Variants in TMEM207 observed in about 807,000 individuals in gnomAD.
TMEM207 encodes SRSR846.
Under a neutral mutation model 17.4 loss-of-function variants are expected in TMEM207, and 15 were observed. The ratio of observed to expected loss-of-function variants is 0.86; its 90% confidence interval spans 0.58 to 1.33. The LOEUF is 1.33. Ranked by LOEUF, TMEM207 falls within the 40% of genes most tolerant of loss-of-function variation. TMEM207 has a pLI of 0.00. For synonymous variants in TMEM207, 70 were observed against 65.6 expected, an observed-to-expected ratio of 1.07 and a Z score of -0.33; for missense variants, 205 against 173.8, an observed-to-expected ratio of 1.18 and a Z score of -1.01.
intron 4 of TMEM207, among the ~76,000 whole-genome samples, chr3:190,432,097 T>C (rs1316376829): frequency 6.6e-6 from 1 of 152,226 alleles, no homozygotes; most frequent in African/African-American, 2.4e-5. Context: ...AAAAATCCTA[T>C]AGTTTTTACA....
At chr3:190,435,679 G>T (rs759712712) in intron 4 of TMEM207, among the ~76,000 whole-genome samples, 1 of 152,138 alleles carries the variant, frequency 6.6e-6, no homozygotes, top group African/African-American at 2.4e-5. Flanking sequence ...ACACTTCAGG[G>T]GTATAGATCC....
chr3:190,429,674 T>C lies in TMEM207; in HGVS notation c.362A>G (p.Asp121Gly), dbSNP rs950753202. 3 of 1,612,766 alleles carry C rather than the reference T, an allele frequency of 1.9e-6. No homozygotes were observed. The African/African-American group carries it at 4.0e-5, about 22-fold the overall frequency. The stretch of plus-strand genomic sequence containing the variant: ...ACATGGAGCAGGAACAGGATATAGG[T>C]CAGGGGTTTGAGTTTGAAGGTGAAT... ...VGIHLQTQTP[D>G]LYPVPAPCFG... is the part of the protein sequence containing the mutation. Residue 121 changes from aspartate (D) to glycine (G), a missense_variant, in exon 5 of 5, where the codon GAC (aspartate) becomes GGC (glycine). By Grantham distance (94) the Asp-to-Gly change is moderately conservative. Coordinates refer to ENST00000354905, the MANE Select transcript of TMEM207 (RefSeq NM_207316.3).
At chr3:190,443,991 A>G (rs1719991848) in intron 2 of TMEM207, among the ~76,000 whole-genome samples, 1 of 152,196 alleles carries the variant, frequency 6.6e-6, no homozygotes, top group African/African-American at 2.4e-5. Context: ...TGTCATGGAG[A>G]TGATTTCTGT....
intron 4 of TMEM207, among the ~76,000 whole-genome samples, chr3:190,438,365 A>T (rs1204948941): frequency 6.6e-6 from 1 of 150,590 alleles, no homozygotes; most frequent in East Asian, 1.9e-4. Context: ...ATTGCCCGTC[A>T]CTCAGTGCTA....
chr3:190,435,015 C>T (rs1047505386), intron 4 of TMEM207, among the ~76,000 whole-genome samples: 2 of 152,192 alleles, frequency 1.3e-5, no homozygotes, highest in African/African-American at 4.8e-5. Context: ...TCCTCTTGCT[C>T]TGCATCTTCT....
intron 2 of TMEM207, 26 bp from the exon 3 acceptor site, chr3:190,441,508 C>T (rs759525702): frequency 6.3e-7 from 1 of 1,597,074 alleles, no homozygotes; most frequent in Non-Finnish European, 8.6e-7. Context: ...GAGCGTTAGT[C>T]CTGGAACTCA....
intron 4 of TMEM207, among the ~76,000 whole-genome samples, chr3:190,440,034 G>C (rs888726564): frequency 1.3e-5 from 2 of 152,178 alleles, no homozygotes; most frequent in Admixed American, 1.3e-4. Context: ...TTAACTGTGG[G>C]TCAGTTCCCA....
intron 2 of TMEM207, among the ~76,000 whole-genome samples, chr3:190,444,752 A>C (rs1560108951): frequency 6.6e-6 from 1 of 152,206 alleles, no homozygotes; most frequent in Non-Finnish European, 1.5e-5. Flanking sequence ...CATCGAAACC[A>C]GAGAAAAATT....
chr3:190,446,890 C>T (rs915595757), intron 2 of TMEM207, among the ~76,000 whole-genome samples: 24 of 152,184 alleles, frequency 1.6e-4, no homozygotes, highest in African/African-American at 5.5e-4. Flanking sequence ...CAATCAAATA[C>T]TCTGTTACAT....
At chr3:190,431,817 A>G (rs1008397905) in intron 4 of TMEM207, among the ~76,000 whole-genome samples, 1 of 152,214 alleles carries the variant, frequency 6.6e-6, no homozygotes, top group Non-Finnish European at 1.5e-5. Flanking sequence ...TAGAGTCTTC[A>G]CAGTTGCTTT....
intron 2 of TMEM207, among the ~76,000 whole-genome samples, chr3:190,443,637 T>G (rs559559767): frequency 1.3e-5 from 2 of 152,312 alleles, no homozygotes; most frequent in East Asian, 3.9e-4. Flanking sequence ...CATGTGTCTT[T>G]TGGCTCCATA....
intron 3 of TMEM207, 142 bp downstream of exon 3, chr3:190,441,296 G>GA (rs1719931492): frequency 1.5e-6 from 1 of 654,226 alleles, no homozygotes; most frequent in Non-Finnish European, 2.6e-6. Flanking sequence ...CCAACGATCT[G>GA]AAAGTGATGT....
chr3:190,447,129 AC>A (rs1322816150), intron 2 of TMEM207, among the ~76,000 whole-genome samples: 1 of 152,040 alleles, frequency 6.6e-6, no homozygotes, highest in Non-Finnish European at 1.5e-5. Context: ...GGCAATGAAG[AC>A]TGAAAACAGC....
chr3:190,444,866 A>G (rs1720011056), intron 2 of TMEM207, among the ~76,000 whole-genome samples: 1 of 152,034 alleles, frequency 6.6e-6, no homozygotes, highest in Admixed American at 6.5e-5. Flanking sequence ...ATTTTTTTTT[A>G]TTTTTAAAAA....
At chr3:190,437,357 G>C (rs541160093) in intron 4 of TMEM207, among the ~76,000 whole-genome samples, 25 of 152,270 alleles carry the variant, frequency 1.6e-4, no homozygotes, top group African/African-American at 5.3e-4. Flanking sequence ...ATTAGTTGAC[G>C]TGCAGTAAAC....
rs1227870860 is a variant in TMEM207, at chr3:190,444,461, C to T, written c.114-2979G>A. The T allele has an allele frequency of 3.0e-6, 3 of 984,240 alleles. No homozygotes were observed. In the African/African-American group the frequency reaches 5.3e-5, roughly 17 times the overall value. 61.0% of individuals were successfully genotyped at this position (984,240 alleles called of 1,614,324 possible). A position where few individuals can be genotyped will look rare whatever the true frequency, so the allele number is the denominator to read the frequency against. On this transcript the variant is annotated intron_variant, in intron 2 of 4. Transcript: ENST00000354905. ...CATGTGGAGTATTGCCTGAATGAATCCAGTATCCCGTGTTCCAAATGCTTT... is the reference window on the plus strand; with the variant it reads ...CATGTGGAGTATTGCCTGAATGAATTCAGTATCCCGTGTTCCAAATGCTTT...
chr3:190,433,197 C>A (rs1014124699), intron 4 of TMEM207, among the ~76,000 whole-genome samples: 6 of 152,162 alleles, frequency 3.9e-5, no homozygotes, highest in African/African-American at 1.4e-4. Context: ...GTCCTTTTCT[C>A]ACCTCCAAAA....
At chr3:190,440,455 A>T (rs974021410) in intron 3 of TMEM207, 66 bp from the exon 4 acceptor site, 1 of 1,464,016 alleles carries the variant, frequency 6.8e-7, no homozygotes, top group African/African-American at 1.4e-5. Context: ...AGCTTCCATC[A>T]CTACCTAGAA....
At chr3:190,439,163 C>T (rs139909116) in intron 4 of TMEM207, among the ~76,000 whole-genome samples, 137 of 124,328 alleles carry the variant, frequency 1.1e-3, no homozygotes, top group Admixed American at 3.5e-3. Context: ...GGCGACAGAG[C>T]GAGACTCCGT....
Sources: gnomAD v4.1 joint callset for allele counts (sites outside exome capture counted in the v4.1 genomes callset) on GRCh38, gnomAD v4.1.1 for gene constraint, MANE v1.5 for transcripts, NCBI Gene and HGNC (gene_info 2026-07-23, HGNC 2026-07-21) for gene names.